Variants in G3BP2 observed in about 807,000 individuals in gnomAD.
The protein encoded by G3BP2 is G3BP stress granule assembly factor 2.
G3BP2 carries 11 observed loss-of-function variants against 56.7 expected under a neutral mutation model. That is an observed-to-expected ratio of 0.19 (90% CI 0.12 to 0.32). The LOEUF (loss-of-function observed/expected upper bound fraction) is 0.32. G3BP2 is among the 10% of genes least tolerant of loss of function. The pLI, the probability that G3BP2 is intolerant of heterozygous loss-of-function variation, is 1.00. For synonymous variants in G3BP2, 165 were observed against 191.6 expected (o/e 0.86, Z 1.15); for missense variants, 340 against 610.9 (o/e 0.56, Z 4.67).
At chr4:75,695,665 C>T (rs1034617021) in intron 3 of G3BP2, among the ~76,000 whole-genome samples, 3 of 152,044 alleles carry the variant, frequency 2.0e-5, no homozygotes, top group Non-Finnish European at 4.4e-5. Flanking sequence ...CAGTCAAAGA[C>T]GCATACACAA....
In G3BP2 at chr4:75,655,170, C is replaced by A; in HGVS notation, c.622G>T (p.Glu208Ter). ...TTCTCCTCCACTTGTGGTTTCAGCTCTTCAGTCTTTGTTTCAGATTCTGGC... is the reference window on the plus strand; with the variant it reads ...TTCTCCTCCACTTGTGGTTTCAGCTATTCAGTCTTTGTTTCAGATTCTGGC... ...PEPESETKTE[E>*]LKPQVEEKNL... is the part of the protein sequence containing the mutation. The change falls in exon 7 of 12, where the codon GAG becomes TAG. Residue 208 changes from glutamate (E) to a stop codon, truncating the protein, a stop_gained. Transcript: ENST00000359707. LOFTEE classifies it high-confidence loss of function. The A allele has an allele frequency of 6.2e-7, 1 of 1,613,566 alleles. No homozygotes were observed. Among genetic ancestry groups the A allele is most frequent in the Non-Finnish European group, 8.5e-7 (1 of 1,179,564 alleles).
At chr4:75,708,382 C>T (rs1431628509) in intron 3 of G3BP2, among the ~76,000 whole-genome samples, 1 of 152,158 alleles carries the variant, frequency 6.6e-6, no homozygotes, top group Non-Finnish European at 1.5e-5. Context: ...CAGGGATCCC[C>T]GTGAGCTGCA....
chr4:75,700,540 C>A (rs1244561685), intron 3 of G3BP2, among the ~76,000 whole-genome samples: 2 of 146,968 alleles, frequency 1.4e-5, no homozygotes, highest in Non-Finnish European at 3.0e-5. Flanking sequence ...CCTGCCTCAG[C>A]CTCCTGAGTA....
chr4:75,663,496 G>A (rs180859478), intron 1 of G3BP2, among the ~76,000 whole-genome samples: 5 of 152,110 alleles, frequency 3.3e-5, no homozygotes, highest in East Asian at 1.9e-4. Context: ...GACTGGTCTC[G>A]AACTCCTGGC....
At chr4:75,678,296 TTGTGTGTGTGTGTGTGTG>T (rs57550763), upstream of G3BP2, among the ~76,000 whole-genome samples, 27 of 144,570 alleles carry the variant, frequency 1.9e-4, no homozygotes, top group South Asian at 4.7e-4. Context: ...CGTGCCTAGC[TTGTGTGTGTGTGTGTGTG>T]TGTGTGTGTG....
intron 3 of G3BP2, among the ~76,000 whole-genome samples, chr4:75,719,430 GT>G (rs1295737750): frequency 2.0e-5 from 3 of 150,596 alleles, no homozygotes; most frequent in Non-Finnish European, 4.4e-5. Flanking sequence ...TACTTACTAT[GT>G]TTCAAGTACT....
chr4:75,686,000 G>GCA (rs538279801), intron 3 of G3BP2, among the ~76,000 whole-genome samples: 73 of 152,218 alleles, frequency 4.8e-4, no homozygotes, highest in Non-Finnish European at 9.0e-4. Context: ...CCACACATGT[G>GCA]CACACACACA....
In G3BP2 at chr4:75,654,177, A is replaced by C. The variant is rs529955938; in HGVS notation, c.727-96T>G. 4.8e-4 allele frequency: 320 copies of C among 671,368 alleles called. 1 individual carries two copies. Among genetic ancestry groups the C allele is most frequent in the Non-Finnish European group, 7.6e-4 (278 of 367,704 alleles). 41.6% of individuals were successfully genotyped at this position (671,368 alleles called of 1,614,324 possible). On this transcript the variant is annotated intron_variant, in intron 7 of 11. Coordinates refer to ENST00000359707, the MANE Select transcript of G3BP2 (RefSeq NM_203505.3). Reference sequence around the variant, plus strand: ...AAATATATATTTTCTTTTCATTTCTAAACTATTGCTCTATATTGGAAGACT... The same window carrying C: ...AAATATATATTTTCTTTTCATTTCTCAACTATTGCTCTATATTGGAAGACT...
intron 3 of G3BP2, among the ~76,000 whole-genome samples, chr4:75,680,056 T>A (rs1734012033): frequency 6.6e-6 from 1 of 152,206 alleles, no homozygotes; most frequent in Admixed American, 6.5e-5. Context: ...GTGTGTTTAA[T>A]TCTTCAAGCC....
At chr4:75,681,216 C>T (rs578240468) in intron 3 of G3BP2, among the ~76,000 whole-genome samples, 2 of 151,228 alleles carry the variant, frequency 1.3e-5, no homozygotes, top group Non-Finnish European at 2.9e-5. Context: ...CCCAGCTACT[C>T]GGGAGGCTGA....
At chr4:75,675,598 G>A (rs1733846600), upstream of G3BP2, among the ~76,000 whole-genome samples, 1 of 152,208 alleles carries the variant, frequency 6.6e-6, no homozygotes, top group Admixed American at 6.5e-5. Flanking sequence ...TTTGAGACCA[G>A]CCTGACCAAC....
Position 75,645,111 on chromosome 4 carries a change from AAG to A in G3BP2, c.*317_*318del, listed in dbSNP as rs1731119308. On this transcript the variant is annotated 3_prime_UTR_variant, in exon 12 of 12. Coordinates refer to ENST00000359707, the MANE Select transcript of G3BP2 (RefSeq NM_203505.3). ...AACACTTAAACAAAATGTGCAGCAG[AAG>A]ATTTTTTTTTTACTCAAAGGACCTG... 3.4e-6 allele frequency: 1 copy of A among 291,670 alleles called. No homozygotes were observed. 18.1% of individuals were successfully genotyped at this position (291,670 alleles called of 1,614,324 possible).
At chr4:75,685,886 G>C (rs1184363961) in intron 3 of G3BP2, among the ~76,000 whole-genome samples, 2 of 152,146 alleles carry the variant, frequency 1.3e-5, no homozygotes, top group Non-Finnish European at 2.9e-5. Flanking sequence ...CATAAACAAG[G>C]AACTGCCCTT....
rs3796474 is a variant in G3BP2, at chr4:75,647,720, T to C, written c.929-563A>G. Reference sequence around the variant, plus strand: ...AGAATAATTTGTGTAATATTTGACATAAAAGAAGCTCAGAATTTAAGGGTT... The same window carrying C: ...AGAATAATTTGTGTAATATTTGACACAAAAGAAGCTCAGAATTTAAGGGTT... On this transcript the variant is annotated intron_variant, in intron 9 of 11. Coordinates refer to ENST00000359707, the MANE Select transcript of G3BP2 (RefSeq NM_203505.3). Among the ~76,000 whole-genome samples, 190 of 152,264 alleles carry C rather than the reference T, an allele frequency of 1.2e-3. 1 individual carries two copies. The East Asian group carries it at 0.034, about 27-fold the overall frequency.
chr4:75,665,328 A>T (rs1732922325), intron 1 of G3BP2, among the ~76,000 whole-genome samples: 1 of 152,252 alleles, frequency 6.6e-6, no homozygotes, highest in Non-Finnish European at 1.5e-5. Flanking sequence ...GCTTTCAAAA[A>T]TAGTTAATTC....
At chr4:75,684,649 G>A (rs1406214397) in intron 3 of G3BP2, among the ~76,000 whole-genome samples, 1 of 152,062 alleles carries the variant, frequency 6.6e-6, no homozygotes, top group Non-Finnish European at 1.5e-5. Context: ...CGGTTCAGGT[G>A]ATCCTCCCAC....
At chr4:75,674,145 C>A (rs1033582169), upstream of G3BP2, among the ~76,000 whole-genome samples, 2 of 152,180 alleles carry the variant, frequency 1.3e-5, no homozygotes, top group Non-Finnish European at 1.5e-5. Context: ...ACACTGGTGA[C>A]CTTGTTTCAT....
rs557749845 is a variant in G3BP2 at position 75,683,286 on chromosome 4, G to A, written c.-24-21237C>T. 2.0e-5 allele frequency among the ~76,000 whole-genome samples: 3 copies of A among 152,242 alleles called. No homozygotes were observed. In the East Asian group the frequency reaches 5.8e-4, roughly 29 times the overall value. On this transcript the variant is annotated intron_variant, in intron 3 of 3. Transcript: ENST00000499709. Reference sequence around the variant, plus strand: ...TCCTCAGAATAAAGATGTAGGCCGAGCACGGTAGCTCACACCTGTAATCCC... The same window carrying A: ...TCCTCAGAATAAAGATGTAGGCCGAACACGGTAGCTCACACCTGTAATCCC...
At chr4:75,658,458 C>T (rs373211993) in intron 3 of G3BP2, among the ~76,000 whole-genome samples, 9 of 150,418 alleles carry the variant, frequency 6.0e-5, no homozygotes, top group African/African-American at 1.7e-4. Context: ...CGGCCGGGCG[C>T]GGTGGCTCAC....
Sources: allele counts gnomAD v4.1 joint callset (sites outside exome capture counted in the v4.1 genomes callset), GRCh38; gene constraint gnomAD v4.1.1; transcripts MANE v1.5; gene names NCBI Gene and HGNC (gene_info 2026-07-23, HGNC 2026-07-21).